The following SLC7A14 variants were observed in gnomAD, a reference collection of about 807,000 sequenced individuals.
SLC7A14 encodes gamma-aminobutyric acid transporter SLC7A14.
A neutral mutation model predicts 60.2 loss-of-function variants in SLC7A14; 37 were observed. That is an observed-to-expected ratio of 0.61 (90% CI 0.47 to 0.81). The LOEUF (loss-of-function observed/expected upper bound fraction) is 0.81. Among genes scored for constraint, SLC7A14 ranks in the 30% least tolerant of loss-of-function variants. SLC7A14 has a pLI of 0.00. For synonymous variants in SLC7A14, 399 were observed against 395.8 expected (o/e 1.01, Z -0.10); for missense variants, 886 against 982.7 (o/e 0.90, Z 1.32).
chr3:170,546,622 T>C (rs1714186870), intron 1 of SLC7A14, among the ~76,000 whole-genome samples: 1 of 152,148 alleles, frequency 6.6e-6, no homozygotes, highest in African/African-American at 2.4e-5. Flanking sequence ...TTCTTCCTGC[T>C]CCCAAACAAT....
chr3:170,569,771 T>C (rs1033132752), intron 1 of SLC7A14, among the ~76,000 whole-genome samples: 2 of 152,186 alleles, frequency 1.3e-5, no homozygotes, highest in Admixed American at 6.5e-5. Context: ...TTATCCATTT[T>C]TTCTAGATTT....
At chr3:170,468,160 T>C (rs909117424) in intron 7 of SLC7A14, among the ~76,000 whole-genome samples, 1 of 152,230 alleles carries the variant, frequency 6.6e-6, no homozygotes, top group East Asian at 1.9e-4. Flanking sequence ...CAGTGCAACC[T>C]CTGTGTTGAT....
At chr3:170,509,242 C>T (rs925926515) in intron 2 of SLC7A14, among the ~76,000 whole-genome samples, 2 of 152,180 alleles carry the variant, frequency 1.3e-5, no homozygotes, top group Admixed American at 6.5e-5. Context: ...TAAGAAGAGA[C>T]TTATGATTTC....
intron 6 of SLC7A14, among the ~76,000 whole-genome samples, chr3:170,482,488 C>T (rs1711865211): frequency 6.6e-6 from 1 of 152,236 alleles, no homozygotes; most frequent in African/African-American, 2.4e-5. Context: ...CCTTGGCCTC[C>T]ACGGTTTACT....
At chr3:170,508,596 G>C (rs771486446) in intron 2 of SLC7A14, among the ~76,000 whole-genome samples, 1 of 152,180 alleles carries the variant, frequency 6.6e-6, no homozygotes, top group Non-Finnish European at 1.5e-5. Context: ...TCAGCCGTTG[G>C]GTTACGCTGG....
chr3:170,505,399 T>C (rs1254751949), intron 2 of SLC7A14, among the ~76,000 whole-genome samples: 1 of 152,214 alleles, frequency 6.6e-6, no homozygotes, highest in East Asian at 1.9e-4. Context: ...TTGAAATAAA[T>C]ATTGTTTTTA....
chr3:170,578,000 G>A (rs1228937649), intron 1 of SLC7A14, among the ~76,000 whole-genome samples: 1 of 152,194 alleles, frequency 6.6e-6, no homozygotes, highest in East Asian at 1.9e-4. Flanking sequence ...ATGACACTCT[G>A]GGAGCTCTCC....
chr3:170,500,882 G>A (rs1345465165), intron 3 of SLC7A14, among the ~76,000 whole-genome samples: 1 of 152,162 alleles, frequency 6.6e-6, no homozygotes, highest in Non-Finnish European at 1.5e-5. Flanking sequence ...TTTTGTTATT[G>A]TAAATAAGGC....
In SLC7A14 at chr3:170,498,762, G is replaced by C; in HGVS notation, c.664C>G (p.Leu222Val). ...ATCATGATGAACACCCATACTGCCAGGTTCAGCACATTGAGAACATTGTTG... is the reference window on the plus strand; with the variant it reads ...ATCATGATGAACACCCATACTGCCACGTTCAGCACATTGAGAACATTGTTG... ...GFNNVLNVLN[L>V]AVWVFIMIAG... Residue 222 changes from leucine to valine, a missense_variant, in exon 4 of 8, where the codon CTG (leucine) becomes GTG (valine). By Grantham distance (32) the Leu-to-Val change is conservative. Transcript: ENST00000231706. 1 of 1,614,182 alleles carries C rather than the reference G, an allele frequency of 6.2e-7. No homozygotes were observed. Among genetic ancestry groups the C allele is most frequent in the Non-Finnish European group, 8.5e-7 (1 of 1,180,040 alleles).
rs1560260416 is a variant in SLC7A14 at position 170,501,194 on chromosome 3, A to T, written c.456T>A (p.Ser152Arg). Residue 152 changes from serine (S) to arginine (R), a missense_variant, in exon 3 of 8, where the codon AGT (serine) becomes AGA (arginine). Transcript: ENST00000231706. ...GTGAGTCAAACATGCTGCTCAGAGC[A>T]CTGGCTCCGGCCGCAGTGCCAATCA... ...EYLIGTAAGASALSSMFDSLA... is the reference protein window; with the variant it reads ...EYLIGTAAGARALSSMFDSLA... 1.2e-6 allele frequency: 2 copies of T among 1,614,224 alleles called. No individual in the cohort carries two copies. The highest frequency in any genetic ancestry group is 1.7e-6 in the Non-Finnish European group (2 of 1,180,048).
chr3:170,511,428 A>G (rs941708086), intron 2 of SLC7A14, among the ~76,000 whole-genome samples: 2 of 152,058 alleles, frequency 1.3e-5, no homozygotes, highest in African/African-American at 4.8e-5. Flanking sequence ...GACAAATAAA[A>G]TTATTGCTCT....
At chr3:170,581,992 T>C (rs1715248893) in intron 1 of SLC7A14, among the ~76,000 whole-genome samples, 1 of 152,202 alleles carries the variant, frequency 6.6e-6, no homozygotes, top group Non-Finnish European at 1.5e-5. Flanking sequence ...ATTGGAACTT[T>C]CAGATTGTAT....
At chr3:170,518,220 C>T (rs183746036) in intron 2 of SLC7A14, among the ~76,000 whole-genome samples, 10 of 152,284 alleles carry the variant, frequency 6.6e-5, no homozygotes, top group African/African-American at 2.2e-4. Context: ...GTGTGCTACA[C>T]GCAAAGATGA....
intron 1 of SLC7A14, among the ~76,000 whole-genome samples, chr3:170,545,918 CTG>C (rs1371208792): frequency 1.3e-5 from 2 of 152,226 alleles, no homozygotes; most frequent in Non-Finnish European, 2.9e-5. Flanking sequence ...CTCCCAAAAA[CTG>C]TTAACATTTT....
At chr3:170,473,507 G>T (rs1302725171) in intron 7 of SLC7A14, among the ~76,000 whole-genome samples, 1 of 152,192 alleles carries the variant, frequency 6.6e-6, no homozygotes, top group East Asian at 1.9e-4. Flanking sequence ...GCACTTTCCA[G>T]CAGGAAGCTC....
chr3:170,474,348 T>C (rs572212537), intron 7 of SLC7A14, among the ~76,000 whole-genome samples: 200 of 152,298 alleles, frequency 1.3e-3, no homozygotes, highest in South Asian at 2.3e-3. Flanking sequence ...CTGCCACTGA[T>C]TGCAAAGCCC....
chr3:170,502,235 G>A (rs7621496), intron 2 of SLC7A14, among the ~76,000 whole-genome samples: 33,531 of 152,070 alleles, frequency 0.22, 5,554 homozygotes, highest in African/African-American at 0.47. Flanking sequence ...GCAGAGCCAT[G>A]TGTTTTCCAA....
intron 1 of SLC7A14, among the ~76,000 whole-genome samples, chr3:170,546,475 T>C (rs950749998): frequency 2.6e-5 from 4 of 152,210 alleles, no homozygotes; most frequent in Admixed American, 6.5e-5. Context: ...AACCTTGATA[T>C]AGTGTTTCCA....
intron 1 of SLC7A14, among the ~76,000 whole-genome samples, chr3:170,571,273 ACATGTAGATACAT>A (rs1714948536): frequency 6.6e-6 from 1 of 152,220 alleles, no homozygotes; most frequent in Non-Finnish European, 1.5e-5. Flanking sequence ...AGTTCCTGGC[ACATGTAGATACAT>A]CTTGAACTTC....
Sources: gnomAD v4.1 joint callset for allele counts (sites outside exome capture counted in the v4.1 genomes callset) on GRCh38, gnomAD v4.1.1 for gene constraint, MANE v1.5 for transcripts, NCBI Gene and HGNC (gene_info 2026-07-23, HGNC 2026-07-21) for gene names.